Variants in RGS9 observed in about 807,000 individuals in gnomAD.
RGS9 encodes the protein regulator of G-protein signalling 9.
Under a neutral mutation model 102.0 loss-of-function variants are expected in RGS9, and 78 were observed. The ratio of observed to expected loss-of-function variants is 0.76; its 90% CI spans 0.64 to 0.92. The LOEUF (loss-of-function observed/expected upper bound fraction) is 0.92, where lower values mean the gene tolerates loss of function less well. RGS9 is among the 40% of genes least tolerant of loss of function. The pLI is 0.00. For missense variants in RGS9, 833 were observed against 866.1 expected (o/e 0.96, Z 0.48); for synonymous variants, 353 against 318.6 (o/e 1.11, Z -1.15).
intron 9 of RGS9, among the ~76,000 whole-genome samples, chr17:65,186,168 T>TTATTTATG (rs1196965235): frequency 2.7e-4 from 33 of 123,802 alleles, no homozygotes; most frequent in African/African-American, 1.0e-3. Context: ...TACATTTTAT[T>TTATTTATG]TATTTATTTA....
intron 1 of RGS9, among the ~76,000 whole-genome samples, chr17:65,152,362 G>A (rs931020905): frequency 6.6e-6 from 1 of 152,116 alleles, no homozygotes; most frequent in Non-Finnish European, 1.5e-5. Flanking sequence ...AGGGGGTCCC[G>A]AACATGTAGA....
intron 9 of RGS9, among the ~76,000 whole-genome samples, chr17:65,186,828 T>C (rs1912142145): frequency 6.6e-6 from 1 of 152,224 alleles, no homozygotes; most frequent in Non-Finnish European, 1.5e-5. Context: ...TAAATTGCTT[T>C]GCAGTAGTTG....
intron 2 of RGS9, among the ~76,000 whole-genome samples, chr17:65,155,884 A>C (rs1341645555): frequency 6.6e-6 from 1 of 152,140 alleles, no homozygotes; most frequent in African/African-American, 2.4e-5. Context: ...GGTAGATATG[A>C]CTGCCCACTT....
At chr17:65,191,090 T>C (rs1204116347) in intron 11 of RGS9, among the ~76,000 whole-genome samples, 1 of 152,200 alleles carries the variant, frequency 6.6e-6, no homozygotes, top group African/African-American at 2.4e-5. Flanking sequence ...CCCACACACA[T>C]TTCAGTGACT....
At chr17:65,159,181 A>AC (rs34746708) in intron 3 of RGS9, among the ~76,000 whole-genome samples, 255 of 136,268 alleles carry the variant, frequency 1.9e-3, no homozygotes, top group African/African-American at 6.2e-3. Context: ...CCAGAGAACA[A>AC]CCCCCCCTTT....
intron 1 of RGS9, 86 bp from the exon 2 acceptor site, chr17:65,153,336 A>T: frequency 8.8e-7 from 1 of 1,136,202 alleles, no homozygotes; most frequent in Non-Finnish European, 1.3e-6. Flanking sequence ...TTGCATTTTG[A>T]GGTCCCTCTC....
chr17:65,210,428 G>A (rs1913246743), intron 16 of RGS9, 60 bp from the exon 17 acceptor site: 2 of 1,573,430 alleles, frequency 1.3e-6, no homozygotes, highest in South Asian at 1.1e-5. Flanking sequence ...AGTGTGACAG[G>A]GTCAGTGTTG....
At chr17:65,215,066 G>A (rs1913436747) in intron 17 of RGS9, among the ~76,000 whole-genome samples, 1 of 152,198 alleles carries the variant, frequency 6.6e-6, no homozygotes. Context: ...GCTAGACACA[G>A]CATGGGCTTG....
At chr17:65,214,033 C>T (rs559754805) in intron 17 of RGS9, among the ~76,000 whole-genome samples, 20 of 152,158 alleles carry the variant, frequency 1.3e-4, no homozygotes, top group Non-Finnish European at 2.5e-4. Flanking sequence ...GCAATCATGG[C>T]TCACTGCAGC....
At chr17:65,202,436 TGTGTGTGTGAGAGA>T (rs1912889352) in intron 14 of RGS9, among the ~76,000 whole-genome samples, 1 of 136,970 alleles carries the variant, frequency 7.3e-6, no homozygotes, top group African/African-American at 2.9e-5. Context: ...TGTGTGTGTG[TGTGTGTGTGAGAGA>T]GAGAGAGAGA....
At chr17:65,158,161 G>T (rs1236034524) in intron 2 of RGS9, 134 bp from the exon 3 acceptor site, 2 of 828,452 alleles carry the variant, frequency 2.4e-6, no homozygotes, top group Admixed American at 1.8e-5. Context: ...TGAGGTGGGG[G>T]TTTCTGAAGG....
intron 13 of RGS9, among the ~76,000 whole-genome samples, chr17:65,201,274 T>C (rs970229317): frequency 1.3e-5 from 2 of 152,326 alleles, no homozygotes; most frequent in African/African-American, 4.8e-5. Flanking sequence ...TGGGGGAACC[T>C]GGCTTTTCCT....
intron 8 of RGS9, among the ~76,000 whole-genome samples, chr17:65,170,272 C>G (rs538161604): frequency 1.3e-5 from 2 of 152,086 alleles, no homozygotes; most frequent in African/African-American, 2.4e-5. Flanking sequence ...TCAGCCTAGT[C>G]TTGAACTCCT....
Position 65,202,081 on chromosome 17 carries a change from G to T in RGS9, c.1064+1G>T. On this transcript the variant is annotated splice_donor_variant, in intron 14 of 18. Coordinates refer to ENST00000262406, the MANE Select transcript of RGS9 (RefSeq NM_003835.4). LOFTEE classifies it high-confidence loss of function. The stretch of plus-strand genomic sequence containing the variant: ...AGGAGAAAGCAGAGGAGATTTACAA[G>T]TGAGCATCAGCCAGGGTGCTGGAAA... 1 of 1,608,778 alleles carries T rather than the reference G, an allele frequency of 6.2e-7. No individual in the cohort carries two copies. The highest frequency in any genetic ancestry group is 2.2e-5 in the East Asian group (1 of 44,806).
chr17:65,214,967 A>C (rs1913433009), intron 17 of RGS9, among the ~76,000 whole-genome samples: 1 of 152,238 alleles, frequency 6.6e-6, no homozygotes, highest in South Asian at 2.1e-4. Context: ...CACTGTATCG[A>C]AACATTGTTT....
chr17:65,177,340 T>A (rs1241006097), intron 8 of RGS9, among the ~76,000 whole-genome samples: 1 of 151,556 alleles, frequency 6.6e-6, no homozygotes, highest in African/African-American at 2.4e-5. Context: ...CATCCATCCA[T>A]CCATCCACTC....
At chr17:65,185,921 G>T (rs76884310) in intron 9 of RGS9, among the ~76,000 whole-genome samples, 4,936 of 152,288 alleles carry the variant, frequency 0.032, 280 homozygotes, top group African/African-American at 0.11. Context: ...ACACCAGGCA[G>T]CCAGGATGCA....
At position 65,190,217 on chromosome 17, in the gene RGS9, T is replaced by A. The variant is rs749178908; in HGVS notation, c.727T>A (p.Ser243Thr). 1.9e-6 allele frequency: 3 copies of A among 1,613,526 alleles called. No homozygotes were observed. The highest frequency in any genetic ancestry group is 2.5e-6 in the Non-Finnish European group (3 of 1,179,552). Residue 243 changes from serine to threonine, a missense_variant, in exon 11 of 19, where the codon TCT (serine) becomes ACT (threonine). Ser to Thr is a moderately conservative substitution (Grantham distance 58, BLOSUM62 1). Coordinates refer to ENST00000262406, the MANE Select transcript of RGS9 (RefSeq NM_003835.4). ...GGCCTTGATGAGGTCCACAGTGAAGTCTTCTGTGTCCCTGGGAGGGTATGT... is the reference window on the plus strand; with the variant it reads ...GGCCTTGATGAGGTCCACAGTGAAGACTTCTGTGTCCCTGGGAGGGTATGT... ...QQALMRSTVKSSVSLGGIVKY... is the reference protein window; with the variant it reads ...QQALMRSTVKTSVSLGGIVKY...
intron 1 of RGS9, among the ~76,000 whole-genome samples, chr17:65,139,267 A>C (rs388527): frequency 0.88 from 116,107 of 132,360 alleles, 52,372 homozygotes; most frequent in Non-Finnish European, 0.99. Context: ...CCAGCTCCCC[A>C]TCTTCCACCC....
Sources: gnomAD v4.1 joint callset for allele counts (sites outside exome capture counted in the v4.1 genomes callset) on GRCh38, gnomAD v4.1.1 for gene constraint, MANE v1.5 for transcripts, NCBI Gene and HGNC (gene_info 2026-07-23, HGNC 2026-07-21) for gene names.